The following WWP2 variants were observed in gnomAD, a reference collection of about 807,000 sequenced individuals.
WWP2 encodes WW domain containing E3 ubiquitin protein ligase 2.
Under a neutral mutation model 121.0 loss-of-function variants are expected in WWP2, and 57 were observed. The ratio of observed to expected loss-of-function variants is 0.47; its 90% CI spans 0.38 to 0.59. The LOEUF (loss-of-function observed/expected upper bound fraction) is 0.59. Among genes scored for constraint, WWP2 ranks in the 20% least tolerant of loss-of-function variants. The pLI is 0.00. For synonymous variants in WWP2, 449 were observed against 441.3 expected, an observed-to-expected ratio of 1.02 and a Z score of -0.22; for missense variants, 962 against 1,158.9, an observed-to-expected ratio of 0.83 and a Z score of 2.47.
At chr16:69,819,334 C>T (rs575536115) in intron 4 of WWP2, among the ~76,000 whole-genome samples, 1 of 152,314 alleles carries the variant, frequency 6.6e-6, no homozygotes, top group East Asian at 1.9e-4. Flanking sequence ...ATGAGCCCAC[C>T]GGCCCCCTGT....
At chr16:69,785,536 C>G (rs1597662088) in intron 1 of WWP2, among the ~76,000 whole-genome samples, 1 of 151,688 alleles carries the variant, frequency 6.6e-6, no homozygotes, top group South Asian at 2.1e-4. Flanking sequence ...AAATCACATA[C>G]AAGTAAAAGA....
Position 69,799,524 on chromosome 16 carries a change from GC to G in WWP2, c.340+232del. On this transcript the variant is annotated intron_variant, in intron 4 of 23. Transcript: ENST00000359154. This position sits in a 1 kb window ranked among gnomAD's most constrained non-coding sequence, Gnocchi z 4.5. ...TAGTAATGTGATGCAGTGGTGTGTTGCCCTTTATCCTTCCTTAGGGACTGGA... is the reference window on the plus strand; with the variant it reads ...TAGTAATGTGATGCAGTGGTGTGTTGCCTTTATCCTTCCTTAGGGACTGGA... The G allele has an allele frequency of 2.2e-6, 1 of 460,024 alleles. No homozygotes were observed. 28.5% of individuals were successfully genotyped at this position (460,024 alleles called of 1,614,324 possible). A position where few individuals can be genotyped will look rare whatever the true frequency, so the allele number is the denominator to read the frequency against.
At position 69,937,223 on chromosome 16, in the gene WWP2, C is replaced by A; in HGVS notation, c.2223C>A (p.Asp741Glu). The A allele has an allele frequency of 6.2e-7, 1 of 1,613,528 alleles. No homozygotes were observed. The highest frequency in any genetic ancestry group is 8.5e-7 in the Non-Finnish European group (1 of 1,179,926). Residue 741 changes from aspartate (D) to glutamate (E), a missense_variant, in exon 20 of 24, where the codon GAC becomes GAA. Around this residue, in one of 3 missense-constraint regions of WWP2, gnomAD observed 606 missense variants for 772.6 expected, o/e 0.78. Transcript: ENST00000359154. This position sits in a 1 kb window ranked among gnomAD's most constrained non-coding sequence, Gnocchi z 6.6. The part of the protein sequence containing the change: ...VAPLEWLRYF[D>E]EKELELMLCG... ...CGCTGGAGTGGCTGCGCTACTTTGA[C>A]GAGAAAGAGCTGGAGGTGAGTGTCT...
intron 1 of WWP2, among the ~76,000 whole-genome samples, chr16:69,779,394 T>C (rs2055615374): frequency 6.6e-6 from 1 of 152,266 alleles, no homozygotes; most frequent in Admixed American, 6.5e-5. Flanking sequence ...ATTACTGTTA[T>C]ATAAGCAGTG....
chr16:69,784,091 C>CTTTTTTTTTTTT (rs61650147), intron 1 of WWP2, among the ~76,000 whole-genome samples: 32 of 60,862 alleles, frequency 5.3e-4, no homozygotes, highest in East Asian at 2.4e-3. Context: ...TTCTTTCTTT[C>CTTTTTTTTTTTT]TTTTTTTTTT....
At chr16:69,932,007 T>C in intron 16 of WWP2, 117 bp downstream of exon 16, 1 of 1,015,592 alleles carries the variant, frequency 9.8e-7, no homozygotes, top group Non-Finnish European at 1.5e-6. Flanking sequence ...CTCATGCATC[T>C]TCAGGAATGG....
intron 11 of WWP2, among the ~76,000 whole-genome samples, chr16:69,927,942 G>A (rs944870632): frequency 3.9e-5 from 6 of 152,202 alleles, no homozygotes; most frequent in African/African-American, 7.2e-5. Context: ...GATTACAGGC[G>A]TGATCCACCG....
Position 69,820,583 on chromosome 16 carries a change from A to G in WWP2, c.341-19543A>G, listed in dbSNP as rs1014815786. On this transcript the variant is annotated intron_variant, in intron 4 of 23. Transcript: ENST00000359154. Reference sequence around the variant, plus strand: ...AAAAAAAAAAAATAGGACCACACGTATTGTATATTGTGGCCTTGAAAAAAC... The same window carrying G: ...AAAAAAAAAAAATAGGACCACACGTGTTGTATATTGTGGCCTTGAAAAAAC... Among the ~76,000 whole-genome samples, 5 of 130,582 alleles carry G rather than the reference A, an allele frequency of 3.8e-5. 1 individual carries two copies. Among genetic ancestry groups the G allele is most frequent in the African/African-American group, 1.3e-4 (5 of 39,640 alleles). The allele number at this position is 130,582 out of a possible 152,430, so 85.7% of individuals were successfully genotyped here.
chr16:69,863,928 G>A (rs1029598124), intron 6 of WWP2, among the ~76,000 whole-genome samples: 2 of 152,162 alleles, frequency 1.3e-5, no homozygotes, highest in African/African-American at 2.4e-5. Context: ...ATTCCACTAT[G>A]TGTATGTACC....
rs113593229 is a variant in WWP2 at position 69,857,913 on chromosome 16, G to T, written c.576-13891G>T. Among the ~76,000 whole-genome samples the T allele has an allele frequency of 3.9e-5, 6 of 152,108 alleles. 1 individual carries two copies. The highest frequency in any genetic ancestry group is 1.4e-4 in the African/African-American group (6 of 41,512). ...TCCTCTTTCCTCAGCCTCCCAAAGTGTTGGGATTATAGGCGTAAGCTACCG... is the reference window on the plus strand; with the variant it reads ...TCCTCTTTCCTCAGCCTCCCAAAGTTTTGGGATTATAGGCGTAAGCTACCG... On this transcript the variant is annotated intron_variant, in intron 6 of 23. Transcript: ENST00000359154.
chr16:69,792,023 G>C (rs2055923368), intron 2 of WWP2, among the ~76,000 whole-genome samples: 1 of 151,956 alleles, frequency 6.6e-6, no homozygotes, highest in African/African-American at 2.4e-5. Context: ...CAGGAAAATG[G>C]TGGGGGGAAA....
intron 1 of WWP2, among the ~76,000 whole-genome samples, chr16:69,779,095 G>T (rs1195081746): frequency 6.6e-6 from 1 of 151,716 alleles, no homozygotes; most frequent in South Asian, 2.1e-4. Context: ...GATTACAGGT[G>T]CCCGCCACCA....
chr16:69,815,860 T>C (rs1331994021), intron 4 of WWP2, among the ~76,000 whole-genome samples: 1 of 151,872 alleles, frequency 6.6e-6, no homozygotes, highest in Non-Finnish European at 1.5e-5. Context: ...CCCAATTTCC[T>C]TTCTCTGCTT....
chr16:69,935,835 G>A lies in WWP2; in HGVS notation c.1843-18G>A, dbSNP rs1261988311. ...CCAGGGAAGGCCAAACCTCTGTGCT[G>A]TGCCTCTTCCTTCCCAGGCGCTGTA... is the stretch of plus-strand genomic sequence containing the variant. On this transcript the variant is annotated intron_variant, in intron 17 of 23. Coordinates refer to ENST00000359154, the MANE Select transcript of WWP2 (RefSeq NM_001270454.2). This position sits in a 1 kb window ranked among gnomAD's most constrained non-coding sequence, Gnocchi z 5.2. The A allele has an allele frequency of 1.9e-6, 3 of 1,606,380 alleles. No homozygotes were observed. The highest frequency in any genetic ancestry group is 1.3e-5 in the African/African-American group (1 of 74,804).
intron 6 of WWP2, among the ~76,000 whole-genome samples, chr16:69,843,619 C>G (rs1238136744): frequency 1.3e-5 from 2 of 152,126 alleles, no homozygotes; most frequent in Admixed American, 6.5e-5. Flanking sequence ...GTAATTCCAG[C>G]TCTTTTGGAA....
chr16:69,763,907 A>G (rs776074454), intron 1 of WWP2, among the ~76,000 whole-genome samples: 2 of 152,234 alleles, frequency 1.3e-5, no homozygotes, highest in Admixed American at 6.5e-5. Flanking sequence ...GCTTGTGATT[A>G]TCTGTGTCAT....
intron 19 of WWP2, 180 bp downstream of exon 19, chr16:69,936,632 A>T: frequency 1.2e-6 from 1 of 801,958 alleles, no homozygotes; most frequent in Non-Finnish European, 1.9e-6. Context: ...ACCAAAGCCG[A>T]GGTCCTTAGT....
chr16:69,906,364 A>G (rs778152274), intron 8 of WWP2, among the ~76,000 whole-genome samples: 22 of 152,034 alleles, frequency 1.4e-4, no homozygotes, highest in East Asian at 7.7e-4. Context: ...CAGCCACCGC[A>G]CCCGGCCTTA....
chr16:69,802,037 C>T (rs1285430586), intron 4 of WWP2, among the ~76,000 whole-genome samples: 2 of 151,934 alleles, frequency 1.3e-5, no homozygotes, highest in African/African-American at 4.8e-5. Context: ...TCAAGCGATT[C>T]TCCTGCCTCA....
Sources: gnomAD v4.1 joint callset for allele counts (sites outside exome capture counted in the v4.1 genomes callset) on GRCh38, gnomAD v4.1.1 for gene constraint, gnomAD v4.1.1 regional missense constraint, Gnocchi (gnomAD v3.1) non-coding constraint, MANE v1.5 for transcripts, NCBI Gene and HGNC (gene_info 2026-07-23, HGNC 2026-07-21) for gene names.